The following BTD variants were observed in gnomAD, a reference collection of about 807,000 sequenced individuals.
BTD encodes the protein biocytinase.
In BTD, 13 loss-of-function variants were observed where a neutral mutation model predicts 17.7. The ratio of observed to expected loss-of-function variants is 0.74; its 90% CI spans 0.48 to 1.17. The LOEUF (loss-of-function observed/expected upper bound fraction) is 1.17. Ranked by LOEUF, BTD falls within the 50% of genes most tolerant of loss-of-function variation. The probability of loss-of-function intolerance (pLI) is 0.00; values close to 1 mark genes in which losing one functional copy is unlikely to be tolerated. For synonymous variants in BTD, 240 were observed against 245.2 expected (o/e 0.98, Z 0.20); for missense variants, 674 against 650.4 (o/e 1.04, Z -0.39).
At position 15,644,879 on chromosome 3, in the gene BTD, A is replaced by C. The variant is rs1313683563; in HGVS notation, c.963A>C (p.Pro321=). The change falls in exon 4 of 4, where the codon CCA becomes CCC. Residue 321 remains proline, a synonymous_variant. Coordinates refer to ENST00000643237, the MANE Select transcript of BTD (RefSeq NM_001370658.1). ...TAATTGCCCAGGTGGCCAAAAATCC[A>C]GTGGGTCTCATTGGTGCAGAGAATG... is the stretch of plus-strand genomic sequence containing the variant. ...HLIIAQVAKN[P]VGLIGAENAT... is the part of the protein sequence containing the mutation. 1 of 1,614,078 alleles carries C rather than the reference A, an allele frequency of 6.2e-7. No individual in the cohort carries two copies. Among genetic ancestry groups the C allele is most frequent in the African/African-American group, 1.3e-5 (1 of 74,934 alleles).
chr3:15,695,094 A>G, intron 3 of BTD: 1 of 1,036,292 alleles, frequency 9.6e-7, no homozygotes, highest in Non-Finnish European at 1.5e-6. Flanking sequence ...ATGTAAAAAC[A>G]CTTTCAGCTC....
In BTD at chr3:15,678,315, C is replaced by T. The variant is rs200889611; in HGVS notation, c.400-31745C>T. 3.5e-4 allele frequency: 572 copies of T among 1,611,910 alleles called. No homozygotes were observed. The highest frequency in any genetic ancestry group is 4.4e-4 in the Non-Finnish European group (524 of 1,179,122). On this transcript the variant is annotated intron_variant, in intron 3 of 3. Coordinates refer to the BTD transcript ENST00000672141. ...TATGGCTGAGCAGCAGCTGTAAACA[C>T]TCTACATGGTCTGTGAAGGCGGCTG...
chr3:15,708,113 T>C (rs763339394), intron 3 of BTD: 2 of 1,550,620 alleles, frequency 1.3e-6, no homozygotes, highest in Non-Finnish European at 1.7e-6. Flanking sequence ...GAGACATAAC[T>C]AGTAAACAAA....
chr3:15,683,191 A>C (rs2067723179), intron 3 of BTD, among the ~76,000 whole-genome samples: 1 of 152,096 alleles, frequency 6.6e-6, no homozygotes, highest in Non-Finnish European at 1.5e-5. Flanking sequence ...CTTCAGGGAT[A>C]TATTTTTTTA....
intron 3 of BTD, among the ~76,000 whole-genome samples, chr3:15,660,594 T>A (rs542043626): frequency 2.6e-5 from 4 of 152,310 alleles, no homozygotes; most frequent in Non-Finnish European, 4.4e-5. Flanking sequence ...AAATAAAAAA[T>A]TTACAAACCG....
chr3:15,642,727 G>A (rs185215692), intron 3 of BTD, among the ~76,000 whole-genome samples: 3 of 152,080 alleles, frequency 2.0e-5, no homozygotes, highest in Admixed American at 2.0e-4. Context: ...CTGCCAAAGT[G>A]CTGGGATTAC....
At chr3:15,716,629 T>C (rs1035799530), downstream of BTD, among the ~76,000 whole-genome samples, 2 of 151,864 alleles carry the variant, frequency 1.3e-5, no homozygotes, top group Non-Finnish European at 2.9e-5. Flanking sequence ...ATAGATTCCA[T>C]TGATAAGAAG....
chr3:15,676,077 CA>C, intron 3 of BTD: 1 of 1,133,912 alleles, frequency 8.8e-7, no homozygotes, highest in Non-Finnish European at 1.2e-6. Flanking sequence ...GCATTTTTGT[CA>C]ACTTGTGAAG....
chr3:15,653,032 C>T lies in BTD; in HGVS notation c.*7544C>T, dbSNP rs1205929489. ...ACAGTGGCCAGGAAAACCTCCTGCCCGCAGAATTTTGTCTAATCCACCCCA... is the reference window on the plus strand; with the variant it reads ...ACAGTGGCCAGGAAAACCTCCTGCCTGCAGAATTTTGTCTAATCCACCCCA... On this transcript the variant is annotated 3_prime_UTR_variant, in exon 4 of 4. Coordinates refer to ENST00000643237, the MANE Select transcript of BTD (RefSeq NM_001370658.1). Among the ~76,000 whole-genome samples the T allele has an allele frequency of 2.0e-5, 3 of 152,188 alleles. No homozygotes were observed. Among genetic ancestry groups the T allele is most frequent in the South Asian group, 2.1e-4 (1 of 4,828 alleles).
At chr3:15,606,429 T>G (rs927503365) in intron 1 of BTD, 3 of 152,198 alleles carry the variant, frequency 2.0e-5, no homozygotes, top group Non-Finnish European at 4.4e-5. Context: ...GTTGATTAAT[T>G]TGGATTGACA....
At chr3:15,607,379 G>A (rs1177364221) in intron 1 of BTD, among the ~76,000 whole-genome samples, 1 of 152,204 alleles carries the variant, frequency 6.6e-6, no homozygotes, top group Non-Finnish European at 1.5e-5. Flanking sequence ...TTGAGATTAT[G>A]AAAAAGAGCA....
chr3:15,652,014 T>C lies in BTD; in HGVS notation c.*6526T>C, dbSNP rs116145367. Among the ~76,000 whole-genome samples the C allele has an allele frequency of 3.2e-3, 490 of 152,318 alleles. 3 individuals carry two copies. Among genetic ancestry groups the C allele is most frequent in the African/African-American group, 0.012 (479 of 41,566 alleles). On this transcript the variant is annotated 3_prime_UTR_variant, in exon 4 of 4. Transcript: ENST00000643237. ...AAATATGGCAGATGCGATGGCATGTTACTTCTGAAATTGGGTTATAAAAGG... is the reference window on the plus strand; with the variant it reads ...AAATATGGCAGATGCGATGGCATGTCACTTCTGAAATTGGGTTATAAAAGG...
intron 1 of BTD, among the ~76,000 whole-genome samples, chr3:15,609,240 T>A (rs1283214733): frequency 6.6e-6 from 1 of 152,234 alleles, no homozygotes; most frequent in Non-Finnish European, 1.5e-5. Flanking sequence ...TACACCCATG[T>A]ACCCAGCCCC....
At chr3:15,629,953 A>T in intron 1 of BTD, 1 of 661,854 alleles carries the variant, frequency 1.5e-6, no homozygotes, top group Non-Finnish European at 1.9e-6. Flanking sequence ...AACGGTTTAT[A>T]TTGCATGTAA....
chr3:15,715,802 A>T (rs2072936377), downstream of BTD, among the ~76,000 whole-genome samples: 1 of 152,176 alleles, frequency 6.6e-6, no homozygotes, highest in African/African-American at 2.4e-5. Flanking sequence ...ACACTCAGAT[A>T]ACACATCAGT....
chr3:15,707,280 G>C (rs1414647030), intron 3 of BTD, among the ~76,000 whole-genome samples: 1 of 152,014 alleles, frequency 6.6e-6, no homozygotes, highest in African/African-American at 2.4e-5. Context: ...ATGTATCAAG[G>C]TATTACAGAT....
chr3:15,626,793 AAAG>A (rs1289456328), intron 1 of BTD, among the ~76,000 whole-genome samples: 127 of 144,424 alleles, frequency 8.8e-4, no homozygotes, highest in Non-Finnish European at 1.7e-3. Context: ...AAAAAAAAAA[AAAG>A]AAAAGAAAAG....
intron 3 of BTD, chr3:15,685,371 C>T: frequency 6.2e-7 from 1 of 1,613,984 alleles, no homozygotes; most frequent in Non-Finnish European, 8.5e-7. Context: ...GCGTCCGGCC[C>T]CTGCTATCCC....
intron 3 of BTD, chr3:15,696,277 C>T: frequency 7.2e-7 from 1 of 1,381,716 alleles, no homozygotes; most frequent in Non-Finnish European, 1.0e-6. Context: ...TACTGAAAAT[C>T]CTAAATCCTG....
Sources: gnomAD v4.1 joint callset for allele counts (sites outside exome capture counted in the v4.1 genomes callset) on GRCh38, gnomAD v4.1.1 for gene constraint, MANE v1.5 for transcripts, NCBI Gene and HGNC (gene_info 2026-07-23, HGNC 2026-07-21) for gene names.